BLTP1: variants seen among roughly 807,000 people sequenced by gnomAD.
BLTP1 encodes the protein fragile site-associated protein.
the BLTP1 span, chr4:122,266,805 G>C: frequency 3.7e-6 from 6 of 1,607,394 alleles, no homozygotes; most frequent in Non-Finnish European, 5.1e-6. Context: ...CCTCTTCTGA[G>C]TCATACAGGG....
At chr4:122,221,775 T>C in the BLTP1 span, 506 of 980,288 alleles carry the variant, frequency 5.2e-4, no homozygotes, top group Non-Finnish European at 5.9e-4. Flanking sequence ...CCCATCTCCC[T>C]TTTTCAGTCT....
chr4:122,223,883 T>G, the BLTP1 span: 15 of 448,400 alleles, frequency 3.3e-5, no homozygotes, highest in Admixed American at 5.1e-4. Context: ...TTCTTAATAA[T>G]GTGTGGAACT....
the BLTP1 span, among the ~76,000 whole-genome samples, chr4:122,310,414 G>C: frequency 6.6e-6 from 1 of 152,012 alleles, no homozygotes; most frequent in Non-Finnish European, 1.5e-5. Flanking sequence ...TTAATATGAG[G>C]TTTTTTTGTG....
chr4:122,180,608 A>G, the BLTP1 span, among the ~76,000 whole-genome samples: 598 of 152,334 alleles, frequency 3.9e-3, 3 homozygotes, highest in African/African-American at 0.013. Flanking sequence ...AAGTAAATGC[A>G]TTTTGTAGAA....
the BLTP1 span, among the ~76,000 whole-genome samples, chr4:122,319,991 CTGA>C: frequency 6.6e-6 from 1 of 152,092 alleles, no homozygotes; most frequent in Non-Finnish European, 1.5e-5. Flanking sequence ...ATCCAATTGA[CTGA>C]TGATATGTTG....
the BLTP1 span, chr4:122,272,473 C>G: frequency 1.5e-6 from 2 of 1,305,288 alleles, no homozygotes; most frequent in South Asian, 1.6e-5. Flanking sequence ...CTGAAGAAAA[C>G]CACTGCCATG....
At chr4:122,263,170 T>C in the BLTP1 span, 1 of 983,384 alleles carries the variant, frequency 1.0e-6, no homozygotes. Context: ...GCCCTTAGTT[T>C]GCATTTTTAA....
chr4:122,298,634 T>C, the BLTP1 span: 4 of 79,332 alleles, frequency 5.0e-5, no homozygotes, highest in South Asian at 1.3e-3. Flanking sequence ...GGGTAAAAAT[T>C]TTACTTACTT....
At chr4:122,239,800 C>G in the BLTP1 span, 1 of 1,614,144 alleles carries the variant, frequency 6.2e-7, no homozygotes. Context: ...TCAGCAGACT[C>G]TAATTCATTT....
At chr4:122,356,685 G>C in the BLTP1 span, 2 of 1,613,880 alleles carry the variant, frequency 1.2e-6, 1 homozygote. Flanking sequence ...ACATTTGTGT[G>C]ACTATGGATG....
the BLTP1 span, chr4:122,249,245 A>G: frequency 1.9e-6 from 1 of 538,426 alleles, no homozygotes; most frequent in African/African-American, 2.1e-5. Flanking sequence ...AGTATCCTGT[A>G]ATCATTCAGA....
the BLTP1 span, chr4:122,224,906 A>G: frequency 7.5e-7 from 1 of 1,340,930 alleles, no homozygotes; most frequent in East Asian, 3.1e-5. Context: ...GTAGACCTAT[A>G]TAATATTTCA....
chr4:122,229,000 C>A, the BLTP1 span: 1 of 820,740 alleles, frequency 1.2e-6, no homozygotes, highest in Non-Finnish European at 1.8e-6. Flanking sequence ...TGAAATTAGA[C>A]TGATTTTTAA....
At chr4:122,332,221 C>G in the BLTP1 span, among the ~76,000 whole-genome samples, 1 of 151,504 alleles carries the variant, frequency 6.6e-6, no homozygotes. Flanking sequence ...TTTATACATT[C>G]AAAGATTTCC....
chr4:122,337,971 G>C, the BLTP1 span, among the ~76,000 whole-genome samples: 1 of 151,382 alleles, frequency 6.6e-6, no homozygotes, highest in Admixed American at 6.6e-5. Context: ...AAAACTTCAG[G>C]GTTTAGTTGA....
At chr4:122,159,256 G>A in the BLTP1 span, among the ~76,000 whole-genome samples, 4 of 152,128 alleles carry the variant, frequency 2.6e-5, no homozygotes, top group Admixed American at 1.3e-4. Context: ...GAGGTCAGGA[G>A]ATCGAGACCA....
chr4:122,176,585 A>G, the BLTP1 span, among the ~76,000 whole-genome samples: 1 of 152,216 alleles, frequency 6.6e-6, no homozygotes, highest in African/African-American at 2.4e-5. Flanking sequence ...CTTTCACTTC[A>G]TAGTATCTTT....
At chr4:122,279,282 G>A in the BLTP1 span, among the ~76,000 whole-genome samples, 1 of 152,126 alleles carries the variant, frequency 6.6e-6, no homozygotes, top group Admixed American at 6.6e-5. Context: ...TAGACACAAA[G>A]AAGATAAAAT....
chr4:122,186,004 A>G, the BLTP1 span: 33 of 1,474,670 alleles, frequency 2.2e-5, no homozygotes, highest in Non-Finnish European at 2.9e-5. Flanking sequence ...TAAAAAGTTG[A>G]CTAAAAATTT....
Sources: allele counts gnomAD v4.1 joint callset (sites outside exome capture counted in the v4.1 genomes callset), GRCh38; gene constraint gnomAD v4.1.1; transcripts MANE v1.5; gene names NCBI Gene and HGNC (gene_info 2026-07-23, HGNC 2026-07-21).